Variants in TEX26 observed in about 807,000 individuals in gnomAD.
TEX26 encodes testis expressed 26, also known as testis-expressed protein 26.
A neutral mutation model predicts 35.3 loss-of-function variants in TEX26; 34 were observed. The observed-to-expected ratio is 0.96, with a 90% CI of 0.73 to 1.28. The LOEUF (loss-of-function observed/expected upper bound fraction) is 1.28. Among genes scored for constraint, TEX26 ranks in the 50% most tolerant of loss-of-function variants. The pLI is 0.00. For missense variants in TEX26, 371 were observed against 330.1 expected, an observed-to-expected ratio of 1.12 and a Z score of -0.96; for synonymous variants, 136 against 111.8, an observed-to-expected ratio of 1.22 and a Z score of -1.36.
In TEX26 at chr13:30,968,947, C is replaced by G. The variant is rs1195022001; in HGVS notation, c.709C>G (p.Gln237Glu). ...QEHTKKQTTY[Q>E]SDYDKTYPDF... ...GCACACAAAGAAACAGACCACATAC[C>G]AAAGTGACTACGACAAAACCTACCC... Residue 237 changes from glutamine (Q) to glutamate (E), a missense_variant, in exon 6 of 7, where the codon CAA becomes GAA. Physicochemically the swap from Gln to Glu is conservative, Grantham distance 29. Coordinates refer to ENST00000380473, the MANE Select transcript of TEX26 (RefSeq NM_152325.3). 3 of 1,614,076 alleles carry G rather than the reference C, an allele frequency of 1.9e-6. No individual in the cohort carries two copies. Among genetic ancestry groups the G allele is most frequent in the South Asian group, 1.1e-5 (1 of 91,074 alleles).
intron 2 of TEX26, among the ~76,000 whole-genome samples, chr13:30,951,375 A>G (rs955848003): frequency 6.0e-5 from 9 of 149,460 alleles, no homozygotes; most frequent in Non-Finnish European, 1.2e-4. Context: ...AAAAAAAGCT[A>G]TTTGTGCTGT....
chr13:30,957,021 G>A lies in TEX26; in HGVS notation c.461G>A (p.Arg154Lys), dbSNP rs767632862. Residue 154 changes from arginine (R) to lysine (K), a missense_variant, in exon 4 of 7, where the codon AGA becomes AAA. Coordinates refer to ENST00000380473, the MANE Select transcript of TEX26 (RefSeq NM_152325.3). ...CTTACTAAGAGAGACTTTGTGGACA[G>A]ATCAAAAGGTAAACACTTTTGTTTT... ...ISLTKRDFVD[R>K]SKAQKIKKSS... 1.2e-6 allele frequency: 2 copies of A among 1,613,704 alleles called. No homozygotes were observed. The highest frequency in any genetic ancestry group is 1.7e-6 in the Non-Finnish European group (2 of 1,179,804).
intron 5 of TEX26, 142 bp downstream of exon 5, chr13:30,966,540 C>A (rs769173379): frequency 8.4e-6 from 6 of 710,368 alleles, no homozygotes; most frequent in Non-Finnish European, 1.3e-5. Context: ...TGGGTTCAAG[C>A]GATTCTCCTG....
chr13:30,936,564 G>A (rs1424852456), intron 1 of TEX26, among the ~76,000 whole-genome samples: 1 of 152,054 alleles, frequency 6.6e-6, no homozygotes, highest in Non-Finnish European at 1.5e-5. Context: ...AAAAAGAATT[G>A]CACCCTCTTC....
chr13:30,960,208 G>A (rs1336935268), intron 4 of TEX26, among the ~76,000 whole-genome samples: 1 of 151,966 alleles, frequency 6.6e-6, no homozygotes. Context: ...TTGTATTTTT[G>A]TTCTGTTTAT....
intron 6 of TEX26, among the ~76,000 whole-genome samples, chr13:30,972,363 A>C (rs937804066): frequency 6.6e-6 from 1 of 152,232 alleles, no homozygotes; most frequent in Non-Finnish European, 1.5e-5. Context: ...TTGACATTAA[A>C]ATTTTACACA....
intron 6 of TEX26, among the ~76,000 whole-genome samples, chr13:30,970,414 T>C (rs1483921806): frequency 6.6e-6 from 1 of 152,158 alleles, no homozygotes; most frequent in Non-Finnish European, 1.5e-5. Flanking sequence ...CAGATGCCTC[T>C]GGGCCAGTCT....
rs183272937 is a variant in TEX26 at position 30,936,599 on chromosome 13, T to G, written c.62-3095T>G. 6 of 829,016 alleles carry G rather than the reference T, an allele frequency of 7.2e-6. No homozygotes were observed. In the East Asian group the frequency reaches 7.5e-4, roughly 103 times the overall value. 51.4% of individuals were successfully genotyped at this position (829,016 alleles called of 1,614,324 possible). On this transcript the variant is annotated intron_variant, in intron 1 of 6. Coordinates refer to ENST00000380473, the MANE Select transcript of TEX26 (RefSeq NM_152325.3). ...CATGTTCCCTGTGACACATAGGACA[T>G]CAGCACCACATTAAACTTGTGCTCA...
intron 1 of TEX26, among the ~76,000 whole-genome samples, chr13:30,935,211 G>A (rs73165070): frequency 1.2e-4 from 19 of 152,372 alleles, no homozygotes; most frequent in Non-Finnish European, 2.1e-4. Flanking sequence ...TCAGAGTGGG[G>A]TTGGGACCAA....
At chr13:30,955,531 A>G (rs1299343800) in intron 3 of TEX26, among the ~76,000 whole-genome samples, 1 of 152,242 alleles carries the variant, frequency 6.6e-6, no homozygotes, top group Non-Finnish European at 1.5e-5. Context: ...AGAGGTTTAA[A>G]AGGCAAGTTT....
At chr13:30,950,129 G>T (rs1421059440) in intron 2 of TEX26, among the ~76,000 whole-genome samples, 1 of 152,148 alleles carries the variant, frequency 6.6e-6, no homozygotes, top group Non-Finnish European at 1.5e-5. Context: ...AAAGATTCTG[G>T]GCATGGTGGC....
chr13:30,967,836 C>A (rs1182098871), intron 5 of TEX26, among the ~76,000 whole-genome samples: 1 of 152,080 alleles, frequency 6.6e-6, no homozygotes, highest in African/African-American at 2.4e-5. Context: ...TGGGTGTTGC[C>A]TGCACCTCAG....
At chr13:30,969,708 C>T (rs1338050197) in intron 6 of TEX26, among the ~76,000 whole-genome samples, 1 of 152,086 alleles carries the variant, frequency 6.6e-6, no homozygotes, top group Admixed American at 6.5e-5. Flanking sequence ...GATCACACAC[C>T]CCCTATTCCC....
chr13:30,947,489 T>C (rs1953755236), intron 2 of TEX26, among the ~76,000 whole-genome samples: 1 of 152,190 alleles, frequency 6.6e-6, no homozygotes, highest in South Asian at 2.1e-4. Context: ...TTTTAATGAC[T>C]GATCAGCTGA....
At chr13:30,974,131 A>AAAATATATATAT in intron 6 of TEX26, among the ~76,000 whole-genome samples, 207 of 84,386 alleles carry the variant, frequency 2.5e-3, no homozygotes, top group Non-Finnish European at 3.3e-3. Context: ...AAAAAAAAAA[A>AAAATATATATAT]ATATATATAT....
intron 1 of TEX26, among the ~76,000 whole-genome samples, chr13:30,937,852 G>A (rs918616807): frequency 1.3e-5 from 2 of 152,186 alleles, no homozygotes; most frequent in African/African-American, 4.8e-5. Context: ...GATTGGAAAT[G>A]AGAGTCTGTT....
intron 2 of TEX26, among the ~76,000 whole-genome samples, chr13:30,948,271 G>T (rs926633754): frequency 2.6e-5 from 4 of 152,148 alleles, no homozygotes; most frequent in African/African-American, 9.7e-5. Context: ...GGGATGGCTG[G>T]ATCAAATGGT....
Position 30,969,102 on chromosome 13 carries a change from A to C in TEX26, c.808+56A>C. ...AGATCACAATACATTGCTTTTGCCA[A>C]ATAGAAACTGTTCCAAGTTCTAGCC... On this transcript the variant is annotated intron_variant, in intron 6 of 6. Coordinates refer to ENST00000380473, the MANE Select transcript of TEX26 (RefSeq NM_152325.3). The C allele has an allele frequency of 2.0e-6, 3 of 1,480,926 alleles. No homozygotes were observed. The South Asian group carries it at 4.3e-5, about 21-fold the overall frequency. The allele number at this position is 1,480,926 out of a possible 1,614,324, so 91.7% of individuals were successfully genotyped here. A position where few individuals can be genotyped will look rare whatever the true frequency, so the allele number is the denominator to read the frequency against.
chr13:30,934,220 C>T (rs148220773), intron 1 of TEX26, among the ~76,000 whole-genome samples: 2,150 of 152,242 alleles, frequency 0.014, 61 homozygotes, highest in African/African-American at 0.047. Context: ...AGCTCTTTTT[C>T]CCCCAGGTGA....
Sources: gnomAD v4.1 joint callset for allele counts (sites outside exome capture counted in the v4.1 genomes callset) on GRCh38, gnomAD v4.1.1 for gene constraint, MANE v1.5 for transcripts, NCBI Gene and HGNC (gene_info 2026-07-23, HGNC 2026-07-21) for gene names.